The following TMEM234 variants were observed in gnomAD, a reference collection of about 807,000 sequenced individuals.
The protein encoded by TMEM234 is transmembrane protein 234, also known as chromosome 1 open reading frame 91.
In TMEM234, 21 loss-of-function variants were observed where a neutral mutation model predicts 17.8. The observed-to-expected ratio is 1.18, with a 90% CI of 0.84 to 1.70. TMEM234 has a LOEUF of 1.70. TMEM234 is among the 40% of genes most tolerant of loss of function. The pLI is 0.00. For missense variants in TMEM234, 137 were observed against 166.9 expected (o/e 0.82, Z 0.99); for synonymous variants, 83 against 73.5 (o/e 1.13, Z -0.66).
chr1:32,214,553 G>A (rs182772508), downstream of TMEM234: 17 of 518,958 alleles, frequency 3.3e-5, no homozygotes, highest in Middle Eastern at 1.0e-3. Context: ...GGTGGTGGGG[G>A]TGGGGAAGCA....
chr1:32,220,869 C>A (rs917582885), intron 3 of TMEM234, among the ~76,000 whole-genome samples: 1 of 152,156 alleles, frequency 6.6e-6, no homozygotes, highest in Non-Finnish European at 1.5e-5. Context: ...GCACTTGGCA[C>A]AGCAAAATGA....
At chr1:32,220,365 C>T (rs1200440090) in intron 3 of TMEM234, among the ~76,000 whole-genome samples, 2 of 152,092 alleles carry the variant, frequency 1.3e-5, no homozygotes, top group Admixed American at 1.3e-4. Flanking sequence ...TTAGTAGAGA[C>T]GGGGTTTCAG....
intron 3 of TMEM234, among the ~76,000 whole-genome samples, chr1:32,220,699 A>G (rs1019611679): frequency 6.6e-6 from 1 of 152,278 alleles, no homozygotes; most frequent in African/African-American, 2.4e-5. Context: ...ATGTATATGG[A>G]GCTCTGACTG....
At position 32,216,835 on chromosome 1, in the gene TMEM234, G is replaced by A. The variant is rs1638427463; in HGVS notation, c.*18C>T. The A allele has an allele frequency of 2.5e-6, 4 of 1,613,666 alleles. No individual in the cohort carries two copies. The highest frequency in any genetic ancestry group is 2.7e-5 in the African/African-American group (2 of 74,940). On this transcript the variant is annotated 3_prime_UTR_variant, in exon 5 of 5. Coordinates refer to ENST00000309777, the MANE Select transcript of TMEM234 (RefSeq NM_019118.5). ...GGGCTTCCTGGAGGCAGCAGAGCTG[G>A]AAGTGGGTTCGGCCCACTCAAAGGG...
intron 3 of TMEM234, chr1:32,217,640 T>C: frequency 1.6e-6 from 1 of 607,996 alleles, no homozygotes; most frequent in Non-Finnish European, 3.0e-6. Flanking sequence ...CTCAAGGACA[T>C]CTGGACGGAC....
At chr1:32,219,814 C>T (rs964295506) in intron 3 of TMEM234, among the ~76,000 whole-genome samples, 4 of 152,144 alleles carry the variant, frequency 2.6e-5, no homozygotes, top group Non-Finnish European at 5.9e-5. Context: ...CTGAGTTTCC[C>T]TTGCAATCTT....
At position 32,216,805 on chromosome 1, in the gene TMEM234, C is replaced by T. The variant is rs1638424575; in HGVS notation, c.*48G>A. 1 of 1,606,544 alleles carries T rather than the reference C, an allele frequency of 6.2e-7. No homozygotes were observed. Among genetic ancestry groups the T allele is most frequent in the South Asian group, 1.1e-5 (1 of 89,772 alleles). On this transcript the variant is annotated 3_prime_UTR_variant, in exon 5 of 5. Transcript: ENST00000309777. ...TCCGCTCACTGCCAGCACTTCATGG[C>T]CCAGGGGCTTCCTGGAGGCAGCAGA...
At position 32,222,331 on chromosome 1, in the gene TMEM234, C is replaced by T. The variant is rs371804993; in HGVS notation, c.-9G>A. On this transcript the variant is annotated 5_prime_UTR_variant, in exon 1 of 5. Transcript: ENST00000309777. The stretch of plus-strand genomic sequence containing the variant: ...CCCAGAGACGCCGCCATGGCAACGC[C>T]GCTGTCTTCTACTTCCGGGAACGAA... The T allele has an allele frequency of 1.3e-5, 20 of 1,563,026 alleles. No individual in the cohort carries two copies. The highest frequency in any genetic ancestry group is 2.6e-6 in the Non-Finnish European group (3 of 1,151,986).
At chr1:32,214,524 G>A, downstream of TMEM234, 2 of 447,494 alleles carry the variant, frequency 4.5e-6, 1 homozygote, top group South Asian at 5.3e-5. Context: ...CAAGAAATGA[G>A]CCAGTGAGCA....
downstream of TMEM234, chr1:32,215,270 G>C: frequency 1.6e-6 from 1 of 619,100 alleles, no homozygotes; most frequent in Non-Finnish European, 2.8e-6. Context: ...ATATAGAGGG[G>C]ATGGGGGTGG....
Position 32,216,739 on chromosome 1 carries a change from G to A in TMEM234, c.*114C>T. ...TGAGGTAGCTGTTATCCCCATAAGA[G>A]AGGAGGAAGCTAAGGCCAGAGAGGG... is the stretch of plus-strand genomic sequence containing the variant. On this transcript the variant is annotated 3_prime_UTR_variant, in exon 5 of 5. Coordinates refer to ENST00000309777, the MANE Select transcript of TMEM234 (RefSeq NM_019118.5). 1.3e-6 allele frequency: 2 copies of A among 1,521,896 alleles called. No individual in the cohort carries two copies. Among genetic ancestry groups the A allele is most frequent in the Non-Finnish European group, 1.8e-6 (2 of 1,130,270 alleles). 94.3% of individuals were successfully genotyped at this position (1,521,896 alleles called of 1,614,324 possible).
At chr1:32,221,777 G>C (rs534151171) in intron 2 of TMEM234, 90 bp downstream of exon 2, 64 of 1,540,128 alleles carry the variant, frequency 4.2e-5, no homozygotes, top group Non-Finnish European at 5.5e-5. Flanking sequence ...TAGTGAGTAA[G>C]TGGTGGGGCT....
downstream of TMEM234, chr1:32,215,111 A>T (rs1638270203): frequency 1.6e-5 from 3 of 189,076 alleles, no homozygotes; most frequent in Non-Finnish European, 2.9e-5. Flanking sequence ...GACTGCCCGT[A>T]AAAAAAAAAA....
intron 3 of TMEM234, among the ~76,000 whole-genome samples, chr1:32,220,042 C>G (rs1638752362): frequency 6.6e-6 from 1 of 152,130 alleles, no homozygotes; most frequent in South Asian, 2.1e-4. Flanking sequence ...ATAAAAAGAA[C>G]CTAAAACTGC....
chr1:32,222,237 G>T, intron 1 of TMEM234, 70 bp downstream of exon 1: 2 of 1,524,820 alleles, frequency 1.3e-6, no homozygotes, highest in South Asian at 2.6e-5. Flanking sequence ...TTAGAGGGTG[G>T]ATGTGGAGCA....
At chr1:32,215,670 T>C (rs1207639574), downstream of TMEM234, 20 of 1,112,270 alleles carry the variant, frequency 1.8e-5, no homozygotes, top group East Asian at 3.1e-4. Flanking sequence ...CCTAACTTCC[T>C]ACCTTGTTAA....
downstream of TMEM234, chr1:32,214,840 A>C (rs758441385): frequency 1.2e-6 from 2 of 1,613,902 alleles, no homozygotes; most frequent in South Asian, 2.2e-5. Context: ...TCTCCAAAGG[A>C]ACCAGACCGA....
chr1:32,214,741 T>G, downstream of TMEM234: 1 of 1,604,862 alleles, frequency 6.2e-7, no homozygotes, highest in South Asian at 1.1e-5. Context: ...AACTGGGGAG[T>G]AGGAAAGGTA....
rs974634806 is a variant in TMEM234, at chr1:32,221,252, C to T, written c.169-55G>A. The T allele has an allele frequency of 3.7e-6, 5 of 1,350,014 alleles. No homozygotes were observed. The African/African-American group carries it at 5.7e-5, about 16-fold the overall frequency. The allele number at this position is 1,350,014 out of a possible 1,614,324, so 83.6% of individuals were successfully genotyped here. On this transcript the variant is annotated intron_variant, in intron 2 of 4. Transcript: ENST00000309777. Reference sequence around the variant, plus strand: ...TGATGGCCTGACTGAGCAGCACTGCCTTCTTTGAGCTCCTAGCGAATGTCT... The same window carrying T: ...TGATGGCCTGACTGAGCAGCACTGCTTTCTTTGAGCTCCTAGCGAATGTCT...
Sources: allele counts gnomAD v4.1 joint callset (sites outside exome capture counted in the v4.1 genomes callset), GRCh38; gene constraint gnomAD v4.1.1; transcripts MANE v1.5; gene names NCBI Gene and HGNC (gene_info 2026-07-23, HGNC 2026-07-21).